The following FLNB variants were observed in gnomAD, a reference collection of about 807,000 sequenced individuals.
FLNB encodes the protein filamin B, also known as filamin-B.
FLNB carries 111 observed loss-of-function variants against 250.6 expected under a neutral mutation model. The ratio of observed to expected loss-of-function variants is 0.44; its 90% CI spans 0.38 to 0.52. FLNB has a LOEUF of 0.52. FLNB is among the 20% of genes least tolerant of loss of function. The pLI is 0.00. For synonymous variants in FLNB, 1,302 were observed against 1,372.1 expected (o/e 0.95, Z 1.13); for missense variants, 2,869 against 3,447.8 (o/e 0.83, Z 4.20).
intron 1 of FLNB, among the ~76,000 whole-genome samples, chr3:58,060,484 C>CTGGG (rs2097176541): frequency 6.6e-6 from 1 of 151,644 alleles, no homozygotes; most frequent in Non-Finnish European, 1.5e-5. Flanking sequence ...TCCCAAGTAG[C>CTGGG]TGGGATTACA....
At chr3:58,020,048 GGT>G (rs373280518) in intron 1 of FLNB, among the ~76,000 whole-genome samples, 26,931 of 136,758 alleles carry the variant, frequency 0.2, 2,713 homozygotes, top group African/African-American at 0.26. Flanking sequence ...ACACCACAGG[GGT>G]GTGTGTGTGT....
intron 18 of FLNB, among the ~76,000 whole-genome samples, chr3:58,112,702 C>T (rs891369135): frequency 6.6e-6 from 1 of 152,256 alleles, no homozygotes; most frequent in African/African-American, 2.4e-5. Context: ...GCCTCACCAG[C>T]TGCCTTTTAG....
At position 58,078,741 on chromosome 3, in the gene FLNB, G is replaced by A; in HGVS notation, c.566G>A (p.Trp189Ter). The A allele has an allele frequency of 6.2e-7, 1 of 1,613,876 alleles. No individual in the cohort carries two copies. The highest frequency in any genetic ancestry group is 8.5e-7 in the Non-Finnish European group (1 of 1,179,918). ...GGTCTGTGCCCAGACTGGGAATCCT[G>A]GGACCCGCAGAAGCCTGTGGATAAT... is the stretch of plus-strand genomic sequence containing the variant. ...APGLCPDWES[W>*]DPQKPVDNAR... Residue 189 changes from tryptophan (W) to a stop codon, truncating the protein, a stop_gained, in exon 3 of 46, where the codon TGG (tryptophan) becomes TAG (stop). Transcript: ENST00000295956. LOFTEE classifies it high-confidence loss of function.
chr3:58,086,958 A>G (rs1191658910), intron 4 of FLNB, among the ~76,000 whole-genome samples: 1 of 152,130 alleles, frequency 6.6e-6, no homozygotes, highest in Non-Finnish European at 1.5e-5. Flanking sequence ...CAAAAATACA[A>G]AAATTAGCTG....
chr3:58,142,051 C>G lies in FLNB; in HGVS notation c.5181+122C>G. 3.7e-6 allele frequency: 3 copies of G among 806,998 alleles called. No homozygotes were observed. Among genetic ancestry groups the G allele is most frequent in the Non-Finnish European group, 6.5e-6 (3 of 459,188 alleles). 50.0% of individuals were successfully genotyped at this position (806,998 alleles called of 1,614,324 possible). ...GGGTGTCCTGGTCATTGGTGTGCCC[C>G]TCACTGATCAGCCCATCACGATGAT... On this transcript the variant is annotated intron_variant, in intron 30 of 45. Transcript: ENST00000295956. The surrounding 1 kb of genome is among the most constrained non-coding windows in gnomAD (Gnocchi z 4.3).
Position 58,077,396 on chromosome 3 carries a change from G to A in FLNB, c.541+102G>A, listed in dbSNP as rs115199080. The A allele has an allele frequency of 9.5e-3, 13,699 of 1,437,818 alleles. 89 individuals are homozygous for A. The highest frequency in any genetic ancestry group is 0.012 in the Non-Finnish European group (11,950 of 1,037,626). 89.1% of individuals were successfully genotyped at this position (1,437,818 alleles called of 1,614,324 possible). A position where few individuals can be genotyped will look rare whatever the true frequency, so the allele number is the denominator to read the frequency against. Reference sequence around the variant, plus strand: ...GAATGCTATCTTTGCTTTGATTAGCGTATTTCTCCAGGTCTTAGCCCATTA... The same window carrying A: ...GAATGCTATCTTTGCTTTGATTAGCATATTTCTCCAGGTCTTAGCCCATTA... On this transcript the variant is annotated intron_variant, in intron 2 of 45. Transcript: ENST00000295956.
chr3:58,123,323 T>C lies in FLNB; in HGVS notation c.3357T>C (p.Pro1119=), dbSNP rs1463184585. The part of the protein sequence containing the change: ...VNILFEEVHI[P]GSPFKADIEM... The stretch of plus-strand genomic sequence containing the variant: ...TCCTCTTTGAAGAAGTCCACATACC[T>C]GGGTCTCCCTTCAAAGCTGACATTG... Residue 1119 remains proline (P), a synonymous_variant, in exon 21 of 46, where the codon CCT becomes CCC. Transcript: ENST00000295956. 1.2e-6 allele frequency: 2 copies of C among 1,614,158 alleles called. No homozygotes were observed. Among genetic ancestry groups the C allele is most frequent in the South Asian group, 1.1e-5 (1 of 91,086 alleles).
chr3:58,045,080 G>A (rs2097151682), intron 1 of FLNB, among the ~76,000 whole-genome samples: 1 of 152,170 alleles, frequency 6.6e-6, no homozygotes, highest in South Asian at 2.1e-4. Flanking sequence ...TGGGTGAAGG[G>A]ATGTGCCCCC....
At chr3:58,112,470 C>T in intron 18 of FLNB, 152 bp downstream of exon 18, 1 of 741,696 alleles carries the variant, frequency 1.3e-6, no homozygotes, top group Non-Finnish European at 2.3e-6. Context: ...TTGAACCCCT[C>T]TGGGAGCACC....
chr3:58,041,134 G>C (rs2097145467), intron 1 of FLNB, among the ~76,000 whole-genome samples: 1 of 152,186 alleles, frequency 6.6e-6, no homozygotes, highest in Non-Finnish European at 1.5e-5. Context: ...AAGTGGCTGA[G>C]CCTGGAGCAG....
In FLNB at chr3:58,070,695, G is replaced by A. The variant is rs187466079; in HGVS notation, c.293-6351G>A. On this transcript the variant is annotated intron_variant, in intron 1 of 45. Coordinates refer to ENST00000295956, the MANE Select transcript of FLNB (RefSeq NM_001457.4). ...TTTTTTTTGAAACGGAGTCTCACTC[G>A]GTCACCCAGGCTGGAGTGCAGTGGT... 2.1e-5 allele frequency among the ~76,000 whole-genome samples: 3 copies of A among 140,776 alleles called. No homozygotes were observed. The East Asian group carries it at 6.3e-4, about 30-fold the overall frequency. The allele number at this position is 140,776 out of a possible 152,430, so 92.4% of individuals were successfully genotyped here.
chr3:58,097,739 A>G, intron 6 of FLNB, 76 bp from the exon 7 acceptor site: 1 of 1,394,344 alleles, frequency 7.2e-7, no homozygotes, highest in Non-Finnish European at 1.0e-6. Context: ...GTGATCATCA[A>G]TGTATGTGGC....
At chr3:58,097,727 A>G in intron 6 of FLNB, 88 bp from the exon 7 acceptor site, 1 of 1,275,786 alleles carries the variant, frequency 7.8e-7, no homozygotes, top group Non-Finnish European at 1.1e-6. Flanking sequence ...AGGGTAGGAG[A>G]GGTGATCATC....
intron 1 of FLNB, among the ~76,000 whole-genome samples, chr3:58,056,361 A>T (rs2097170608): frequency 6.6e-6 from 1 of 151,990 alleles, no homozygotes; most frequent in Non-Finnish European, 1.5e-5. Context: ...TCGGGCTCCC[A>T]AAGTCCTGGG....
intron 41 of FLNB, among the ~76,000 whole-genome samples, chr3:58,157,016 G>A (rs1387304266): frequency 6.6e-6 from 1 of 152,124 alleles, no homozygotes; most frequent in Non-Finnish European, 1.5e-5. Flanking sequence ...GCCCTTAACG[G>A]CAACCTCTCT....
rs1233337344 is a variant in FLNB at position 58,093,650 on chromosome 3, CA to C, written c.788-1185del. Among the ~76,000 whole-genome samples, 59 of 152,044 alleles carry C rather than the reference CA, an allele frequency of 3.9e-4. 1 individual carries two copies. In the South Asian group the frequency reaches 9.4e-3, roughly 24 times the overall value. ...ACTTATGTTCACACACACACACACA[CA>C]CACACACACCCCTATGCACAGATGT... On this transcript the variant is annotated intron_variant, in intron 4 of 45. Transcript: ENST00000295956.
intron 3 of FLNB, among the ~76,000 whole-genome samples, chr3:58,080,375 G>A (rs1282651376): frequency 6.6e-6 from 1 of 152,164 alleles, no homozygotes; most frequent in Admixed American, 6.5e-5. Context: ...AGCTGTTTAG[G>A]GCTGGGTCAG....
chr3:58,078,302 T>A, intron 2 of FLNB: 1 of 1,438,272 alleles, frequency 7.0e-7, no homozygotes. Context: ...TTAAGATAAT[T>A]CTAGGTTTGT....
At chr3:58,098,985 ACAGT>A in intron 8 of FLNB, 77 bp downstream of exon 8, 1 of 1,274,390 alleles carries the variant, frequency 7.8e-7, no homozygotes, top group Non-Finnish European at 1.1e-6. Context: ...GGCCAGGAAA[ACAGT>A]CAGGGCCCAA....
Sources: allele counts gnomAD v4.1 joint callset (sites outside exome capture counted in the v4.1 genomes callset), GRCh38; gene constraint gnomAD v4.1.1; non-coding constraint Gnocchi (gnomAD v3.1); transcripts MANE v1.5; gene names NCBI Gene and HGNC (gene_info 2026-07-23, HGNC 2026-07-21).